The following HPSE2 variants were observed in gnomAD, a reference collection of about 807,000 sequenced individuals.
HPSE2 encodes inactive heparanase-2.
HPSE2 carries 38 observed loss-of-function variants against 60.5 expected under a neutral mutation model. That is an observed-to-expected ratio of 0.63 (90% CI 0.48 to 0.82). HPSE2 has a LOEUF of 0.82. Ranked by LOEUF, HPSE2 falls within the 40% of genes least tolerant of loss-of-function variation. HPSE2 has a pLI of 0.00. For synonymous variants in HPSE2, 295 were observed against 293.2 expected, an observed-to-expected ratio of 1.01 and a Z score of -0.06; for missense variants, 713 against 740.4, an observed-to-expected ratio of 0.96 and a Z score of 0.43.
At chr10:98,602,381 A>G (rs907677776) in intron 9 of HPSE2, among the ~76,000 whole-genome samples, 1 of 152,200 alleles carries the variant, frequency 6.6e-6, no homozygotes, top group African/African-American at 2.4e-5. Context: ...GGGCTTTGGA[A>G]GGGCTGAAAA....
intron 3 of HPSE2, among the ~76,000 whole-genome samples, chr10:99,106,284 G>T (rs1158522062): frequency 1.3e-5 from 2 of 152,022 alleles, no homozygotes; most frequent in Non-Finnish European, 2.9e-5. Context: ...TTTCAAGAAT[G>T]GTTTATAAAA....
At chr10:98,836,845 C>G (rs1182956229) in intron 3 of HPSE2, among the ~76,000 whole-genome samples, 1 of 152,094 alleles carries the variant, frequency 6.6e-6, no homozygotes, top group African/African-American at 2.4e-5. Flanking sequence ...TCAAGCCCAG[C>G]CTGGCCAACA....
At chr10:99,102,699 A>AT (rs936773457) in intron 3 of HPSE2, among the ~76,000 whole-genome samples, 2 of 152,146 alleles carry the variant, frequency 1.3e-5, no homozygotes, top group African/African-American at 4.8e-5. Flanking sequence ...TTTTAGACCA[A>AT]TATCCCTGAT....
intron 3 of HPSE2, among the ~76,000 whole-genome samples, chr10:98,911,385 T>C (rs1471355433): frequency 2.6e-5 from 4 of 152,174 alleles, no homozygotes; most frequent in Non-Finnish European, 5.9e-5. Context: ...GTGCAGAGAT[T>C]AGAGTTACTA....
intron 3 of HPSE2, among the ~76,000 whole-genome samples, chr10:98,984,087 G>A (rs1283444495): frequency 6.6e-6 from 1 of 152,156 alleles, no homozygotes; most frequent in Non-Finnish European, 1.5e-5. Flanking sequence ...CAAAACAAAA[G>A]GCAGCAAAAA....
intron 9 of HPSE2, among the ~76,000 whole-genome samples, chr10:98,606,659 GATA>G (rs1565008846): frequency 6.6e-6 from 1 of 152,172 alleles, no homozygotes; most frequent in Non-Finnish European, 1.5e-5. Context: ...AGCAGAGATT[GATA>G]ATAATTGAAA....
chr10:98,975,197 C>T (rs1463859925), intron 3 of HPSE2, among the ~76,000 whole-genome samples: 1 of 151,584 alleles, frequency 6.6e-6, no homozygotes, highest in Non-Finnish European at 1.5e-5. Flanking sequence ...TGCAACAGTT[C>T]CTGAGATTAT....
At position 98,841,777 on chromosome 10, in the gene HPSE2, T is replaced by C. The variant is rs140860935; in HGVS notation, c.611-97721A>G. Reference sequence around the variant, plus strand: ...TTCCCCCAGTGGAATGTAAATTTCATGACTTTCTGCAGGGATTACAATTCC... The same window carrying C: ...TTCCCCCAGTGGAATGTAAATTTCACGACTTTCTGCAGGGATTACAATTCC... On this transcript the variant is annotated intron_variant, in intron 3 of 11. Transcript: ENST00000370552. Among the ~76,000 whole-genome samples, 458 of 152,272 alleles carry C rather than the reference T, an allele frequency of 3.0e-3. 6 individuals carry two copies. Among genetic ancestry groups the C allele is most frequent in the East Asian group, 0.016 (83 of 5,178 alleles).
chr10:98,888,391 T>A (rs1326761562), intron 3 of HPSE2, among the ~76,000 whole-genome samples: 5 of 152,154 alleles, frequency 3.3e-5, no homozygotes, highest in Non-Finnish European at 7.4e-5. Context: ...TGCTTATTGT[T>A]TAAAAACATA....
chr10:99,124,539 G>T (rs1845089980), intron 3 of HPSE2, among the ~76,000 whole-genome samples: 1 of 152,200 alleles, frequency 6.6e-6, no homozygotes, highest in South Asian at 2.1e-4. Flanking sequence ...GCTCCCTCCT[G>T]TGTTTGTTGG....
intron 2 of HPSE2, among the ~76,000 whole-genome samples, chr10:99,215,692 A>C (rs1198257155): frequency 6.6e-6 from 1 of 152,220 alleles, no homozygotes; most frequent in Non-Finnish European, 1.5e-5. Context: ...AAATATCCAA[A>C]ATAAGCAAAC....
intron 3 of HPSE2, among the ~76,000 whole-genome samples, chr10:98,812,027 T>G (rs767024013): frequency 6.6e-6 from 1 of 152,178 alleles, no homozygotes; most frequent in Non-Finnish European, 1.5e-5. Flanking sequence ...TTCACCTTAT[T>G]AATCTCAGTT....
chr10:98,795,424 G>C (rs576317879), intron 3 of HPSE2, among the ~76,000 whole-genome samples: 1 of 152,334 alleles, frequency 6.6e-6, no homozygotes, highest in African/African-American at 2.4e-5. Context: ...CCTTGTCACA[G>C]AGAGCAAAGC....
intron 3 of HPSE2, among the ~76,000 whole-genome samples, chr10:99,053,507 C>A (rs887223703): frequency 6.6e-6 from 1 of 151,966 alleles, no homozygotes; most frequent in Admixed American, 6.6e-5. Flanking sequence ...CAAAACGACA[C>A]CTAGAATCCC....
intron 9 of HPSE2, among the ~76,000 whole-genome samples, chr10:98,527,909 G>A (rs987223716): frequency 4.6e-5 from 7 of 152,056 alleles, no homozygotes; most frequent in Admixed American, 1.3e-4. Context: ...CTACAGCCAC[G>A]GAGCTAATGA....
rs183801365 is a variant in HPSE2 at position 98,640,162 on chromosome 10, A to G, written c.1098+1685T>C. On this transcript the variant is annotated intron_variant, in intron 7 of 11. Transcript: ENST00000370552. ...TTTCAATCTGCTGAAAGTAAGTGTT[A>G]AAACTTACTTTACCTTGAGGGCAGA... Among the ~76,000 whole-genome samples, 203 of 152,336 alleles carry G rather than the reference A, an allele frequency of 1.3e-3. 1 individual carries two copies. The highest frequency in any genetic ancestry group is 3.9e-3 in the Admixed American group (59 of 15,302).
At position 98,935,618 on chromosome 10, in the gene HPSE2, T is replaced by C. The variant is rs550998101; in HGVS notation, c.611-191562A>G. Among the ~76,000 whole-genome samples the C allele has an allele frequency of 2.0e-4, 29 of 144,306 alleles. 5 individuals are homozygous for C. The highest frequency in any genetic ancestry group is 4.8e-4 in the Admixed American group (7 of 14,524). The allele number at this position is 144,306 out of a possible 152,430, so 94.7% of individuals were successfully genotyped here. On this transcript the variant is annotated intron_variant, in intron 3 of 11. Coordinates refer to ENST00000370552, the MANE Select transcript of HPSE2 (RefSeq NM_021828.5). The stretch of plus-strand genomic sequence containing the variant: ...TTTGCCAGGGTATCACCAGTGAAGA[T>C]TGCAGAACAGCAAAGATTGCTGCCG...
chr10:98,516,504 CATCTT>C (rs1196408106), intron 9 of HPSE2, among the ~76,000 whole-genome samples: 2 of 152,162 alleles, frequency 1.3e-5, no homozygotes, highest in African/African-American at 4.8e-5. Context: ...AGGGGAAAAA[CATCTT>C]ATCTCACTAA....
chr10:99,250,821 A>C, the HPSE2 span, among the ~76,000 whole-genome samples: 1 of 152,222 alleles, frequency 6.6e-6, no homozygotes, highest in Non-Finnish European at 1.5e-5. Context: ...GAAAACAAAG[A>C]CACAACATAG....
Sources: allele counts gnomAD v4.1 joint callset (sites outside exome capture counted in the v4.1 genomes callset), GRCh38; gene constraint gnomAD v4.1.1; transcripts MANE v1.5; gene names NCBI Gene and HGNC (gene_info 2026-07-23, HGNC 2026-07-21).